RBFOX1: variants seen among roughly 807,000 people sequenced by gnomAD.
The protein encoded by RBFOX1 is RNA binding fox-1 homolog 1.
In RBFOX1, 8 loss-of-function variants were observed where a neutral mutation model predicts 57.7. That is an observed-to-expected ratio of 0.14 (90% CI 0.08 to 0.25). The LOEUF is 0.25. Among genes scored for constraint, RBFOX1 ranks in the 10% least tolerant of loss-of-function variants. The pLI, the probability that RBFOX1 is intolerant of heterozygous loss-of-function variation, is 1.00. For synonymous variants in RBFOX1, 326 were observed against 222.4 expected (o/e 1.47, Z -4.15); for missense variants, 611 against 548.5 (o/e 1.11, Z -1.14).
chr16:6,998,868 T>G (rs985793436), intron 3 of RBFOX1, among the ~76,000 whole-genome samples: 5 of 151,556 alleles, frequency 3.3e-5, no homozygotes, highest in East Asian at 1.9e-4. Context: ...TAATTAAGTA[T>G]TATTATTATT....
chr16:6,135,500 G>A (rs762677220), intron 1 of RBFOX1, among the ~76,000 whole-genome samples: 5 of 152,122 alleles, frequency 3.3e-5, no homozygotes, highest in African/African-American at 1.2e-4. Context: ...GAGGCAAATT[G>A]GAGGGATCAC....
At chr16:7,091,527 TAAAAA>T (rs199716851) in intron 4 of RBFOX1, among the ~76,000 whole-genome samples, 2 of 147,278 alleles carry the variant, frequency 1.4e-5, no homozygotes, top group African/African-American at 5.0e-5. Context: ...TTCAGTCACT[TAAAAA>T]AAAAAAGAAG....
At chr16:6,125,290 A>G (rs1039414402) in intron 1 of RBFOX1, among the ~76,000 whole-genome samples, 2 of 152,046 alleles carry the variant, frequency 1.3e-5, no homozygotes, top group African/African-American at 4.8e-5. Flanking sequence ...TAGATGGAGG[A>G]GGATAGAGAT....
intron 3 of RBFOX1, among the ~76,000 whole-genome samples, chr16:7,049,499 C>G (rs149413638): frequency 6.6e-6 from 1 of 152,262 alleles, no homozygotes; most frequent in East Asian, 1.9e-4. Flanking sequence ...TTTCCCTATT[C>G]TCTTAGTGTT....
intron 2 of RBFOX1, among the ~76,000 whole-genome samples, chr16:6,604,576 A>C (rs1470393504): frequency 6.6e-6 from 1 of 152,234 alleles, no homozygotes; most frequent in African/African-American, 2.4e-5. Flanking sequence ...GGTAAATAGC[A>C]AGGTAAAGCA....
chr16:6,402,233 C>T (rs954719949), intron 2 of RBFOX1, among the ~76,000 whole-genome samples: 1 of 152,074 alleles, frequency 6.6e-6, no homozygotes, highest in African/African-American at 2.4e-5. Context: ...TAGGAATGAC[C>T]CTGACATTCA....
intron 4 of RBFOX1, among the ~76,000 whole-genome samples, chr16:7,399,924 T>G (rs2098212696): frequency 2.0e-5 from 3 of 152,190 alleles, no homozygotes; most frequent in Admixed American, 6.5e-5. Flanking sequence ...AACACAAAGC[T>G]AACACTTTTC....
At chr16:7,327,169 T>G (rs1398482506) in intron 4 of RBFOX1, among the ~76,000 whole-genome samples, 2 of 152,158 alleles carry the variant, frequency 1.3e-5, no homozygotes, top group Non-Finnish European at 2.9e-5. Context: ...ATGGAACATT[T>G]GACTTAGGCC....
chr16:5,674,673 C>G (rs1435368932), intron 3 of RBFOX1, among the ~76,000 whole-genome samples: 1 of 152,158 alleles, frequency 6.6e-6, no homozygotes, highest in Non-Finnish European at 1.5e-5. Flanking sequence ...TTTGCACCAA[C>G]CTAATACGTG....
chr16:6,407,483 T>C (rs144476453), intron 2 of RBFOX1, among the ~76,000 whole-genome samples: 2 of 151,060 alleles, frequency 1.3e-5, no homozygotes, highest in African/African-American at 2.4e-5. Flanking sequence ...CACACACACA[T>C]ATATATAGAG....
At chr16:6,699,459 A>C (rs930194785) in intron 3 of RBFOX1, among the ~76,000 whole-genome samples, 2 of 152,176 alleles carry the variant, frequency 1.3e-5, no homozygotes, top group East Asian at 3.9e-4. Flanking sequence ...TTAAAAGCCA[A>C]GCCATTTTGA....
chr16:6,785,746 A>G (rs1157317065), intron 3 of RBFOX1, among the ~76,000 whole-genome samples: 1 of 152,188 alleles, frequency 6.6e-6, no homozygotes, highest in East Asian at 1.9e-4. Context: ...CAATTCCACT[A>G]TTGTTATCAT....
chr16:7,670,537 G>A (rs529705969), intron 13 of RBFOX1, among the ~76,000 whole-genome samples: 8 of 152,206 alleles, frequency 5.3e-5, no homozygotes, highest in Admixed American at 1.3e-4. Context: ...AAAGCATAAC[G>A]GGGTGGTTAG....
chr16:7,475,382 T>G (rs1419522558), intron 4 of RBFOX1, among the ~76,000 whole-genome samples: 2 of 150,200 alleles, frequency 1.3e-5, no homozygotes, highest in African/African-American at 2.5e-5. Context: ...TGGCGCGATC[T>G]CGGCTCACTG....
intron 3 of RBFOX1, among the ~76,000 whole-genome samples, chr16:5,824,211 G>T (rs988595528): frequency 6.6e-6 from 1 of 152,228 alleles, no homozygotes; most frequent in South Asian, 2.1e-4. Flanking sequence ...GACAGAGTAG[G>T]AGGGGGCGCC....
chr16:6,799,350 G>A (rs751931932), intron 3 of RBFOX1, among the ~76,000 whole-genome samples: 2 of 152,002 alleles, frequency 1.3e-5, no homozygotes, highest in Non-Finnish European at 2.9e-5. Flanking sequence ...CAAAAGTAAT[G>A]GCAGTCTTTG....
At chr16:7,054,575 G>A (rs1161581622) in intron 4 of RBFOX1, among the ~76,000 whole-genome samples, 1 of 147,752 alleles carries the variant, frequency 6.8e-6, no homozygotes, top group African/African-American at 2.4e-5. Flanking sequence ...GTTTCTGAAA[G>A]GAATTTAGAA....
At chr16:7,668,825 T>C (rs556829756) in intron 13 of RBFOX1, among the ~76,000 whole-genome samples, 1 of 152,290 alleles carries the variant, frequency 6.6e-6, no homozygotes, top group Non-Finnish European at 1.5e-5. Flanking sequence ...GCAAACTAAA[T>C]GGTAGAGTTT....
rs1284932221 is a variant in RBFOX1 at position 6,264,675 on chromosome 16, A to C, written c.-126-52320A>C. ...CCCTTCCTTGTCTTCAGTAATCCGG[A>C]TCACTGGATAGAAGCCACACCCCTT... On this transcript the variant is annotated intron_variant, in intron 1 of 15. Transcript: ENST00000550418. Among the ~76,000 whole-genome samples, 2 of 152,076 alleles carry C rather than the reference A, an allele frequency of 1.3e-5. 1 individual carries two copies. Among genetic ancestry groups the C allele is most frequent in the Non-Finnish European group, 2.9e-5 (2 of 68,026 alleles).
Sources: allele counts gnomAD v4.1 joint callset (sites outside exome capture counted in the v4.1 genomes callset), GRCh38; gene constraint gnomAD v4.1.1; transcripts MANE v1.5; gene names NCBI Gene and HGNC (gene_info 2026-07-23, HGNC 2026-07-21).